Variants in COL21A1 observed in about 807,000 individuals in gnomAD.
The protein encoded by COL21A1 is collagen alpha-1(XXI) chain.
COL21A1 carries 149 observed loss-of-function variants against 137.9 expected under a neutral mutation model. The ratio of observed to expected loss-of-function variants is 1.08; its 90% CI spans 0.95 to 1.24. The LOEUF is 1.24. Ranked by LOEUF, COL21A1 falls within the 50% of genes most tolerant of loss-of-function variation. COL21A1 has a pLI of 0.00. For synonymous variants in COL21A1, 456 were observed against 391.5 expected (o/e 1.16, Z -1.95); for missense variants, 1,167 against 1,158.4 (o/e 1.01, Z -0.11).
In COL21A1 at chr6:56,059,167, G is replaced by A. The variant is rs1221553849; in HGVS notation, c.2684C>T (p.Pro895Leu). 1 of 1,610,962 alleles carries A rather than the reference G, an allele frequency of 6.2e-7. No homozygotes were observed. Among genetic ancestry groups the A allele is most frequent in the East Asian group, 2.2e-5 (1 of 44,716 alleles). The change falls in exon 29 of 30, where the codon CCA (proline) becomes CTA (leucine). Residue 895 changes from proline to leucine, a missense_variant and splice_region_variant. By Grantham distance (98) the Pro-to-Leu change is moderately conservative. Coordinates refer to ENST00000244728, the MANE Select transcript of COL21A1 (RefSeq NM_030820.4). Reference sequence around the variant, plus strand: ...TATGAGCAGGTAGCAATTCTCACCTGGGGGACCAGGAGGACCTTGTTCTCC... The same window carrying A: ...TATGAGCAGGTAGCAATTCTCACCTAGGGGACCAGGAGGACCTTGTTCTCC... ...YPGEQGPPGP[P>L]GPEGPPGISK...
intron 1 of COL21A1, among the ~76,000 whole-genome samples, chr6:56,212,971 T>C (rs1172670345): frequency 6.6e-6 from 1 of 152,114 alleles, no homozygotes; most frequent in Non-Finnish European, 1.5e-5. Context: ...GACTGAGTTT[T>C]GCCTGATTCT....
At chr6:56,374,087 A>C (rs1379985008) in intron 1 of COL21A1, among the ~76,000 whole-genome samples, 4 of 152,178 alleles carry the variant, frequency 2.6e-5, no homozygotes, top group Non-Finnish European at 5.9e-5. Context: ...TGATCTCTTA[A>C]GGGTCACATG....
At chr6:56,305,162 C>A (rs1562047778) in intron 1 of COL21A1, among the ~76,000 whole-genome samples, 2 of 152,146 alleles carry the variant, frequency 1.3e-5, no homozygotes, top group South Asian at 2.1e-4. Flanking sequence ...ACTATGTGGT[C>A]AATTTTGGAA....
At chr6:56,171,289 T>C (rs1198918514) in intron 3 of COL21A1, among the ~76,000 whole-genome samples, 161 bp from the exon 4 acceptor site, 1 of 151,930 alleles carries the variant, frequency 6.6e-6, no homozygotes, top group Non-Finnish European at 1.5e-5. Context: ...ATGAATACAT[T>C]TTCTGAGAAA....
chr6:56,367,530 ACAATAAGGGGAGATAAC>A (rs1766129286), intron 1 of COL21A1, among the ~76,000 whole-genome samples: 1 of 152,228 alleles, frequency 6.6e-6, no homozygotes, highest in Non-Finnish European at 1.5e-5. Context: ...ACGCTTTGAG[ACAATAAGGGGAGATAAC>A]CAATCCCTCT....
At chr6:56,295,031 T>A (rs1261914324) in intron 1 of COL21A1, among the ~76,000 whole-genome samples, 1 of 152,054 alleles carries the variant, frequency 6.6e-6, no homozygotes, top group East Asian at 1.9e-4. Context: ...GAGTTTCTCC[T>A]GTGTTATCTT....
intron 1 of COL21A1, among the ~76,000 whole-genome samples, chr6:56,355,747 G>A (rs954378839): frequency 7.2e-5 from 11 of 152,144 alleles, no homozygotes; most frequent in African/African-American, 2.7e-4. Flanking sequence ...GAATGATGCA[G>A]GATAAACCAT....
rs76309988 is a variant in COL21A1, at chr6:56,106,504, C to A, written c.1759-4979G>T. On this transcript the variant is annotated intron_variant, in intron 16 of 29. Coordinates refer to ENST00000244728, the MANE Select transcript of COL21A1 (RefSeq NM_030820.4). ...CAGCAGAAAACACACCAAGTCCTAC[C>A]CAGCACTCATTAACTAAAGAAACTT... is the stretch of plus-strand genomic sequence containing the variant. Among the ~76,000 whole-genome samples the A allele has an allele frequency of 2.4e-3, 362 of 152,196 alleles. 3 individuals are homozygous for A. Among genetic ancestry groups the A allele is most frequent in the African/African-American group, 7.8e-3 (322 of 41,534 alleles).
intron 1 of COL21A1, among the ~76,000 whole-genome samples, chr6:56,333,909 C>A (rs1255615242): frequency 6.6e-6 from 1 of 152,004 alleles, no homozygotes; most frequent in Non-Finnish European, 1.5e-5. Context: ...TGTTGTACGT[C>A]GTCTTTGATC....
intron 1 of COL21A1, among the ~76,000 whole-genome samples, chr6:56,244,941 T>G (rs1420825966): frequency 6.6e-6 from 1 of 152,192 alleles, no homozygotes; most frequent in Non-Finnish European, 1.5e-5. Context: ...TGTATGCATG[T>G]GTGTGTGACT....
chr6:56,288,138 G>A (rs1021644898), intron 1 of COL21A1, among the ~76,000 whole-genome samples: 1 of 151,968 alleles, frequency 6.6e-6, no homozygotes, highest in South Asian at 2.1e-4. Context: ...AGCTAATACA[G>A]GTCCCCGTAC....
chr6:56,102,250 C>A (rs1255234095), intron 16 of COL21A1, among the ~76,000 whole-genome samples: 1 of 152,090 alleles, frequency 6.6e-6, no homozygotes, highest in Non-Finnish European at 1.5e-5. Flanking sequence ...TGTATAATAT[C>A]TGCAGATTAG....
chr6:56,179,317 T>C (rs1777719925), intron 3 of COL21A1, among the ~76,000 whole-genome samples: 1 of 152,082 alleles, frequency 6.6e-6, no homozygotes, highest in South Asian at 2.1e-4. Context: ...AAAGGAAAAA[T>C]AATAAATGTT....
intron 1 of COL21A1, among the ~76,000 whole-genome samples, chr6:56,308,993 G>A (rs932855398): frequency 6.6e-6 from 1 of 151,766 alleles, no homozygotes; most frequent in Non-Finnish European, 1.5e-5. Flanking sequence ...AAGATTCAGA[G>A]ACTTCCATTT....
chr6:56,239,063 C>A (rs761326723), intron 1 of COL21A1, among the ~76,000 whole-genome samples: 5 of 152,184 alleles, frequency 3.3e-5, no homozygotes, highest in Non-Finnish European at 7.4e-5. Flanking sequence ...GTCAGAGCCA[C>A]AACCATACAA....
intron 1 of COL21A1, among the ~76,000 whole-genome samples, chr6:56,263,797 G>C (rs1763336505): frequency 6.6e-6 from 1 of 152,178 alleles, no homozygotes; most frequent in Admixed American, 6.5e-5. Context: ...GAAAACCGCT[G>C]TTTAACATTC....
intron 9 of COL21A1, 82 bp downstream of exon 9, chr6:56,164,341 T>A: frequency 2.2e-6 from 2 of 894,392 alleles, no homozygotes; most frequent in South Asian, 2.9e-5. Context: ...CTCAACAGGA[T>A]CAATGGTGAT....
intron 1 of COL21A1, among the ~76,000 whole-genome samples, chr6:56,286,140 T>C (rs1763907497): frequency 6.6e-6 from 1 of 152,176 alleles, no homozygotes; most frequent in South Asian, 2.1e-4. Flanking sequence ...TAGGCCATGA[T>C]ACAGTTTATG....
intron 17 of COL21A1, among the ~76,000 whole-genome samples, chr6:56,098,823 C>T (rs1355792733): frequency 2.7e-5 from 4 of 145,832 alleles, no homozygotes; most frequent in African/African-American, 7.6e-5. Context: ...TCAAGCGATT[C>T]TCCTGCCTCA....
Sources: gnomAD v4.1 joint callset for allele counts (sites outside exome capture counted in the v4.1 genomes callset) on GRCh38, gnomAD v4.1.1 for gene constraint, MANE v1.5 for transcripts, NCBI Gene and HGNC (gene_info 2026-07-23, HGNC 2026-07-21) for gene names.